Variants in TRIQK observed in about 807,000 individuals in gnomAD.
The protein encoded by TRIQK is triple QxxK/R motif containing.
Under a neutral mutation model 10.8 loss-of-function variants are expected in TRIQK, and 10 were observed. The observed-to-expected ratio is 0.92, with a 90% CI of 0.57 to 1.57. The LOEUF (loss-of-function observed/expected upper bound fraction) is 1.57, where lower values mean the gene tolerates loss of function less well. Ranked by LOEUF, TRIQK falls within the 40% of genes most tolerant of loss-of-function variation. The pLI is 0.00. For missense variants in TRIQK, 107 were observed against 97.7 expected (o/e 1.09, Z -0.40); for synonymous variants, 33 against 33.7 (o/e 0.98, Z 0.07).
intron 1 of TRIQK, among the ~76,000 whole-genome samples, chr8:92,976,949 T>C (rs865896483): frequency 1.3e-4 from 20 of 151,998 alleles, no homozygotes; most frequent in African/African-American, 4.6e-4. Context: ...GTATTTTATC[T>C]CTCTATATAT....
intron 1 of TRIQK, among the ~76,000 whole-genome samples, chr8:92,955,159 T>A (rs1322305474): frequency 6.6e-6 from 1 of 151,834 alleles, no homozygotes; most frequent in Non-Finnish European, 1.5e-5. Flanking sequence ...ATTGCTCTCA[T>A]ATGGATAAGA....
intron 2 of TRIQK, among the ~76,000 whole-genome samples, chr8:92,919,163 T>C (rs1810038100): frequency 6.6e-6 from 1 of 151,900 alleles, no homozygotes; most frequent in Admixed American, 6.6e-5. Flanking sequence ...TGTGATTCTC[T>C]GGCTTTTTTC....
chr8:93,012,076 A>T (rs914364244), intron 1 of TRIQK, among the ~76,000 whole-genome samples: 13 of 152,204 alleles, frequency 8.5e-5, no homozygotes, highest in Non-Finnish European at 8.8e-5. Context: ...AATAGAAAAT[A>T]AAATAAAAAA....
intron 2 of TRIQK, chr8:92,922,633 C>A (rs1810245726): frequency 6.6e-6 from 1 of 151,580 alleles, no homozygotes; most frequent in Non-Finnish European, 1.5e-5. Flanking sequence ...AGAGGTTTAT[C>A]AAAAATATAT....
intron 1 of TRIQK, among the ~76,000 whole-genome samples, chr8:92,995,450 C>G (rs1813143996): frequency 6.6e-6 from 1 of 151,814 alleles, no homozygotes; most frequent in African/African-American, 2.4e-5. Flanking sequence ...TCTTTAGGGT[C>G]TTTGTTATTA....
At chr8:92,889,028 T>C (rs543178022) in intron 4 of TRIQK, among the ~76,000 whole-genome samples, 1 of 151,768 alleles carries the variant, frequency 6.6e-6, no homozygotes, top group Admixed American at 6.6e-5. Context: ...GCGGCACTCA[T>C]TGCATTACTG....
chr8:92,901,087 T>G (rs146224840), intron 3 of TRIQK, among the ~76,000 whole-genome samples: 1 of 152,280 alleles, frequency 6.6e-6, no homozygotes, highest in African/African-American at 2.4e-5. Context: ...AGGTTGATTT[T>G]GTACAAAAAT....
chr8:92,885,154 C>A lies in TRIQK; in HGVS notation c.*1468G>T. 1 of 377,992 alleles carries A rather than the reference C, an allele frequency of 2.6e-6. No homozygotes were observed. 23.4% of individuals were successfully genotyped at this position (377,992 alleles called of 1,614,324 possible). A position where few individuals can be genotyped will look rare whatever the true frequency, so the allele number is the denominator to read the frequency against. On this transcript the variant is annotated 3_prime_UTR_variant, in exon 5 of 5. Transcript: ENST00000521988. ...TAAATGATTTGTGAGGATATTGGAA[C>A]CTTTGGCTGTTTTCACACCAATGAA... is the stretch of plus-strand genomic sequence containing the variant.
chr8:92,952,945 T>G (rs577864487), intron 2 of TRIQK, among the ~76,000 whole-genome samples: 1 of 152,032 alleles, frequency 6.6e-6, no homozygotes, highest in African/African-American at 2.4e-5. Flanking sequence ...CCAGAACCAT[T>G]CTACCAACTT....
intron 3 of TRIQK, among the ~76,000 whole-genome samples, chr8:92,904,750 A>T (rs1313235900): frequency 1.3e-5 from 2 of 152,208 alleles, no homozygotes; most frequent in Non-Finnish European, 2.9e-5. Context: ...CCCACAGTAT[A>T]TCACAATGAC....
upstream of TRIQK, among the ~76,000 whole-genome samples, chr8:92,970,022 TTA>T (rs1279017948): frequency 6.6e-6 from 1 of 152,164 alleles, no homozygotes. Flanking sequence ...CAGCTCCCAC[TTA>T]TAAGTGAGAA....
intron 1 of TRIQK, among the ~76,000 whole-genome samples, chr8:92,999,882 T>A (rs1432036405): frequency 6.6e-6 from 1 of 152,160 alleles, no homozygotes; most frequent in Non-Finnish European, 1.5e-5. Flanking sequence ...TATGTAAATT[T>A]GAAGTGAGTT....
chr8:92,915,512 C>A (rs560548835), intron 3 of TRIQK, among the ~76,000 whole-genome samples: 6 of 150,152 alleles, frequency 4.0e-5, no homozygotes, highest in Admixed American at 4.0e-4. Flanking sequence ...GAGATGGAGT[C>A]CCACTCTGTC....
intron 1 of TRIQK, among the ~76,000 whole-genome samples, chr8:92,957,315 A>C (rs1236917258): frequency 6.6e-6 from 1 of 151,800 alleles, no homozygotes; most frequent in Non-Finnish European, 1.5e-5. Context: ...ATGTACATAA[A>C]ATATATGTAT....
intron 3 of TRIQK, among the ~76,000 whole-genome samples, chr8:92,893,677 T>C (rs546899305): frequency 1.2e-4 from 19 of 152,166 alleles, no homozygotes; most frequent in Non-Finnish European, 2.4e-4. Context: ...CCTGCTGAGC[T>C]ATAAACAGTT....
chr8:93,002,753 C>A (rs1260567796), intron 1 of TRIQK, among the ~76,000 whole-genome samples: 1 of 151,980 alleles, frequency 6.6e-6, no homozygotes, highest in South Asian at 2.1e-4. Flanking sequence ...AACCCCATCT[C>A]TACTAAAAAT....
intron 3 of TRIQK, among the ~76,000 whole-genome samples, chr8:92,912,716 A>G (rs1809633511): frequency 6.6e-6 from 1 of 151,970 alleles, no homozygotes; most frequent in South Asian, 2.1e-4. Flanking sequence ...ACACCAACAA[A>G]TTGAATAAAC....
At chr8:92,940,905 A>G (rs941799260) in intron 2 of TRIQK, among the ~76,000 whole-genome samples, 4 of 152,218 alleles carry the variant, frequency 2.6e-5, no homozygotes, top group African/African-American at 9.6e-5. Context: ...TAAATTTAAG[A>G]AAACTAAAAT....
At chr8:92,976,101 A>G (rs2130740754) in intron 1 of TRIQK, among the ~76,000 whole-genome samples, 1 of 152,102 alleles carries the variant, frequency 6.6e-6, no homozygotes, top group African/African-American at 2.4e-5. Flanking sequence ...TAAATATCCC[A>G]TGTACACTTG....
Sources: gnomAD v4.1 joint callset for allele counts (sites outside exome capture counted in the v4.1 genomes callset) on GRCh38, gnomAD v4.1.1 for gene constraint, MANE v1.5 for transcripts, NCBI Gene and HGNC (gene_info 2026-07-23, HGNC 2026-07-21) for gene names.